Variants in CSMD1 observed in about 807,000 individuals in gnomAD.
CSMD1 encodes CUB and sushi domain-containing protein 1.
A neutral mutation model predicts 417.5 loss-of-function variants in CSMD1; 213 were observed. The observed-to-expected ratio is 0.51, with a 90% CI of 0.46 to 0.57. CSMD1 has a LOEUF of 0.57. Ranked by LOEUF, CSMD1 falls within the 20% of genes least tolerant of loss-of-function variation. CSMD1 has a pLI of 0.00. For synonymous variants in CSMD1, 2,862 were observed against 1,736.8 expected, an observed-to-expected ratio of 1.65 and a Z score of -16.11; for missense variants, 6,923 against 4,529.7, an observed-to-expected ratio of 1.53 and a Z score of -15.17.
At chr8:3,529,947 A>T (rs1318525730) in intron 10 of CSMD1, among the ~76,000 whole-genome samples, 1 of 152,162 alleles carries the variant, frequency 6.6e-6, no homozygotes, top group Non-Finnish European at 1.5e-5. Flanking sequence ...ATATATACAC[A>T]ATAAATTTGC....
chr8:4,150,701 A>G (rs1796523187), intron 3 of CSMD1, among the ~76,000 whole-genome samples: 1 of 152,184 alleles, frequency 6.6e-6, no homozygotes, highest in South Asian at 2.1e-4. Context: ...TTAGAACCTT[A>G]GGGTGTGGAA....
At chr8:3,578,856 A>C (rs975735077) in intron 9 of CSMD1, among the ~76,000 whole-genome samples, 1 of 152,200 alleles carries the variant, frequency 6.6e-6, no homozygotes, top group Non-Finnish European at 1.5e-5. Context: ...CAGCATAATT[A>C]AGTAACTACA....
intron 3 of CSMD1, among the ~76,000 whole-genome samples, chr8:4,318,586 T>A (rs945334138): frequency 2.0e-5 from 3 of 152,080 alleles, no homozygotes; most frequent in Non-Finnish European, 4.4e-5. Flanking sequence ...AAAAACATGT[T>A]GATTGAAATG....
At chr8:3,830,332 T>C (rs1802303906) in intron 5 of CSMD1, among the ~76,000 whole-genome samples, 1 of 152,232 alleles carries the variant, frequency 6.6e-6, no homozygotes, top group South Asian at 2.1e-4. Flanking sequence ...TGCCGAATGA[T>C]TGGTCGTTGG....
At chr8:4,495,219 G>C (rs987598050) in intron 2 of CSMD1, among the ~76,000 whole-genome samples, 4 of 152,120 alleles carry the variant, frequency 2.6e-5, no homozygotes, top group Non-Finnish European at 2.9e-5. Flanking sequence ...TTTTATAAAA[G>C]GATTAATAAT....
At chr8:3,120,752 C>T (rs1817157680) in intron 41 of CSMD1, among the ~76,000 whole-genome samples, 1 of 151,984 alleles carries the variant, frequency 6.6e-6, no homozygotes, top group African/African-American at 2.4e-5. Flanking sequence ...GAGGCTGAGG[C>T]AGAAGAATCG....
intron 10 of CSMD1, among the ~76,000 whole-genome samples, chr8:3,552,524 G>A (rs1413485449): frequency 2.6e-5 from 4 of 152,128 alleles, no homozygotes; most frequent in Admixed American, 2.6e-4. Context: ...AGACTCAAAA[G>A]TTTTTTTGAA....
At chr8:4,123,989 G>C (rs529203679) in intron 3 of CSMD1, among the ~76,000 whole-genome samples, 24 of 151,750 alleles carry the variant, frequency 1.6e-4, no homozygotes, top group Non-Finnish European at 3.1e-4. Context: ...AGGAAACAAA[G>C]AATAATTAAA....
intron 5 of CSMD1, among the ~76,000 whole-genome samples, chr8:3,873,810 G>T (rs11991688): frequency 1.7e-3 from 252 of 152,272 alleles, no homozygotes; most frequent in African/African-American, 5.9e-3. Flanking sequence ...AGAAAGAAAA[G>T]CACACATGGT....
At chr8:3,308,190 A>AACTC (rs5888960) in intron 24 of CSMD1, 122 bp downstream of exon 24, 61,250 of 749,614 alleles carry the variant, frequency 0.082, 3,898 homozygotes, top group African/African-American at 0.24. Flanking sequence ...GAATACATAA[A>AACTC]ACTCACACTG....
intron 2 of CSMD1, among the ~76,000 whole-genome samples, chr8:4,458,024 T>C (rs2129913149): frequency 6.6e-6 from 1 of 152,302 alleles, no homozygotes; most frequent in African/African-American, 2.4e-5. Flanking sequence ...ATATCCGGTA[T>C]TCCTCTATTC....
intron 27 of CSMD1, among the ~76,000 whole-genome samples, chr8:3,225,344 T>C (rs550104727): frequency 1.3e-5 from 2 of 152,076 alleles, no homozygotes; most frequent in East Asian, 3.9e-4. Context: ...AGTAATATGA[T>C]ATAATTTTTA....
At chr8:3,210,722 A>C (rs1488260739) in intron 30 of CSMD1, among the ~76,000 whole-genome samples, 1 of 150,218 alleles carries the variant, frequency 6.7e-6, no homozygotes, top group South Asian at 2.1e-4. Flanking sequence ...GTGTATACAT[A>C]TATACTTTTT....
At chr8:3,303,086 A>G (rs1804541929) in intron 25 of CSMD1, among the ~76,000 whole-genome samples, 1 of 152,142 alleles carries the variant, frequency 6.6e-6, no homozygotes, top group African/African-American at 2.4e-5. Flanking sequence ...ATTTCTTTGT[A>G]TTGTCTATGA....
intron 5 of CSMD1, among the ~76,000 whole-genome samples, chr8:3,962,078 A>G (rs1219292713): frequency 6.6e-6 from 1 of 152,156 alleles, no homozygotes; most frequent in Non-Finnish European, 1.5e-5. Flanking sequence ...ATTCTCAGAG[A>G]TAACTTGAGC....
intron 42 of CSMD1, among the ~76,000 whole-genome samples, chr8:3,116,268 C>T (rs1455535836): frequency 1.3e-5 from 2 of 151,942 alleles, no homozygotes; most frequent in Non-Finnish European, 2.9e-5. Context: ...ATGAATCGTG[C>T]GTTTCGGTTT....
intron 6 of CSMD1, among the ~76,000 whole-genome samples, chr8:3,742,361 T>G (rs1563331088): frequency 1.3e-5 from 2 of 152,198 alleles, no homozygotes; most frequent in Non-Finnish European, 2.9e-5. Flanking sequence ...GTGGCGAATC[T>G]GACCCGAATA....
chr8:4,373,080 T>A (rs149922155), intron 3 of CSMD1, among the ~76,000 whole-genome samples: 97 of 152,318 alleles, frequency 6.4e-4, no homozygotes, highest in Non-Finnish European at 7.8e-4. Flanking sequence ...AGTTTACCTG[T>A]GTGGTCTGTC....
chr8:3,543,193 G>C (rs1798516318), intron 10 of CSMD1, among the ~76,000 whole-genome samples: 1 of 152,210 alleles, frequency 6.6e-6, no homozygotes, highest in Non-Finnish European at 1.5e-5. Context: ...ATGCTTTTGA[G>C]AAACTGGTAA....
Sources: gnomAD v4.1 joint callset for allele counts (sites outside exome capture counted in the v4.1 genomes callset) on GRCh38, gnomAD v4.1.1 for gene constraint, MANE v1.5 for transcripts, NCBI Gene and HGNC (gene_info 2026-07-23, HGNC 2026-07-21) for gene names.